The following RBFOX1 variants were observed in gnomAD, a reference collection of about 807,000 sequenced individuals.
The protein encoded by RBFOX1 is RNA binding protein fox-1 homolog 1.
In RBFOX1, 8 loss-of-function variants were observed where a neutral mutation model predicts 57.7. The ratio of observed to expected loss-of-function variants is 0.14; its 90% CI spans 0.08 to 0.25. The LOEUF (loss-of-function observed/expected upper bound fraction) is 0.25, where lower values mean the gene tolerates loss of function less well. RBFOX1 is among the 10% of genes least tolerant of loss of function. The pLI, the probability that RBFOX1 is intolerant of heterozygous loss-of-function variation, is 1.00. For missense variants in RBFOX1, 611 were observed against 548.5 expected, an observed-to-expected ratio of 1.11 and a Z score of -1.14; for synonymous variants, 326 against 222.4, an observed-to-expected ratio of 1.47 and a Z score of -4.15.
intron 3 of RBFOX1, among the ~76,000 whole-genome samples, chr16:5,619,079 G>T (rs1300932716): frequency 6.6e-6 from 1 of 152,228 alleles, no homozygotes; most frequent in Non-Finnish European, 1.5e-5. Flanking sequence ...AGTCACCGTA[G>T]TTTGTGCCTG....
chr16:7,447,430 C>CAAAAAAAAA (rs202234230), intron 4 of RBFOX1, among the ~76,000 whole-genome samples: 3 of 98,520 alleles, frequency 3.0e-5, no homozygotes, highest in African/African-American at 7.7e-5. Flanking sequence ...GAGTCTATCT[C>CAAAAAAAAA]AAAAAAAAAA....
chr16:7,482,892 G>C (rs537654834), intron 4 of RBFOX1, among the ~76,000 whole-genome samples: 4 of 152,072 alleles, frequency 2.6e-5, no homozygotes, highest in African/African-American at 9.7e-5. Flanking sequence ...AGACTGAGAG[G>C]GGGGCAGCTT....
intron 4 of RBFOX1, among the ~76,000 whole-genome samples, chr16:7,106,439 G>C (rs2063596128): frequency 6.6e-6 from 1 of 151,950 alleles, no homozygotes; most frequent in African/African-American, 2.4e-5. Context: ...AACAGAGAAA[G>C]AAAAAAACAC....
chr16:5,755,379 A>G (rs2053356348), intron 3 of RBFOX1, among the ~76,000 whole-genome samples: 1 of 152,188 alleles, frequency 6.6e-6, no homozygotes, highest in Non-Finnish European at 1.5e-5. Context: ...AGTGAGGGAC[A>G]GATTGGGTGA....
chr16:6,465,561 T>C (rs2095028119), intron 2 of RBFOX1, among the ~76,000 whole-genome samples: 1 of 152,056 alleles, frequency 6.6e-6, no homozygotes, highest in Admixed American at 6.6e-5. Flanking sequence ...TTAGTGTACA[T>C]TCAGATCAGA....
intron 4 of RBFOX1, among the ~76,000 whole-genome samples, chr16:7,266,165 C>T (rs1159625630): frequency 6.6e-6 from 1 of 151,786 alleles, no homozygotes; most frequent in Non-Finnish European, 1.5e-5. Flanking sequence ...TTAGTACAGA[C>T]GGGGTTTCAC....
At chr16:6,114,494 A>T (rs1205516886) in intron 1 of RBFOX1, among the ~76,000 whole-genome samples, 1 of 152,138 alleles carries the variant, frequency 6.6e-6, no homozygotes, top group East Asian at 1.9e-4. Flanking sequence ...TGCTGCAGTT[A>T]TATTTATAGT....
chr16:5,847,862 T>G lies in RBFOX1; in HGVS notation c.319-19441T>G, dbSNP rs77727154. Among the ~76,000 whole-genome samples the G allele has an allele frequency of 1.5e-3, 235 of 152,180 alleles. 4 individuals are homozygous for G. The East Asian group carries it at 0.043, about 28-fold the overall frequency. ...CTCTGTTCAGAATCAACACCCAGACTATGTTAGTCATTAGCATTGCCAACA... is the reference window on the plus strand; with the variant it reads ...CTCTGTTCAGAATCAACACCCAGACGATGTTAGTCATTAGCATTGCCAACA... On this transcript the variant is annotated intron_variant, in intron 3 of 19. Transcript: ENST00000641259.
At chr16:6,658,556 C>T (rs933584346) in intron 3 of RBFOX1, among the ~76,000 whole-genome samples, 1 of 152,128 alleles carries the variant, frequency 6.6e-6, no homozygotes, top group Non-Finnish European at 1.5e-5. Flanking sequence ...TCTTTATCTG[C>T]GCACAGTCTG....
intron 3 of RBFOX1, among the ~76,000 whole-genome samples, chr16:7,033,167 T>A (rs1399493550): frequency 3.9e-5 from 6 of 152,066 alleles, no homozygotes; most frequent in Non-Finnish European, 8.8e-5. Flanking sequence ...GACGAGGCGG[T>A]AAAGGTGTTG....
At chr16:6,939,221 T>C (rs990325262) in intron 3 of RBFOX1, among the ~76,000 whole-genome samples, 3 of 152,170 alleles carry the variant, frequency 2.0e-5, no homozygotes, top group African/African-American at 7.2e-5. Context: ...AAATTTGATA[T>C]ATAAAAACCA....
chr16:7,584,002 T>C (rs2093960617), intron 6 of RBFOX1, among the ~76,000 whole-genome samples: 1 of 152,192 alleles, frequency 6.6e-6, no homozygotes, highest in South Asian at 2.1e-4. Flanking sequence ...ATGACGTTAA[T>C]GGAAAGTTCC....
At chr16:7,192,267 GGA>G (rs1421301222) in intron 4 of RBFOX1, among the ~76,000 whole-genome samples, 2 of 152,178 alleles carry the variant, frequency 1.3e-5, no homozygotes, top group Non-Finnish European at 1.5e-5. Context: ...TTTTGTGCAA[GGA>G]GAGAGAGTTT....
chr16:5,647,300 C>G (rs1462155559), intron 3 of RBFOX1, among the ~76,000 whole-genome samples: 1 of 152,180 alleles, frequency 6.6e-6, no homozygotes, highest in Non-Finnish European at 1.5e-5. Context: ...GGATTTAGTT[C>G]TACATCTGCT....
intron 4 of RBFOX1, among the ~76,000 whole-genome samples, chr16:7,083,664 A>G (rs1247532097): frequency 6.6e-6 from 1 of 152,116 alleles, no homozygotes; most frequent in Non-Finnish European, 1.5e-5. Context: ...TTAAATCCAG[A>G]TTCTTATCCC....
At chr16:6,561,361 A>G (rs929705218) in intron 2 of RBFOX1, among the ~76,000 whole-genome samples, 2 of 152,218 alleles carry the variant, frequency 1.3e-5, no homozygotes, top group African/African-American at 4.8e-5. Context: ...GTCTGTAACC[A>G]TTCAGTAGAA....
intron 1 of RBFOX1, chr16:5,270,978 A>C: frequency 5.9e-6 from 2 of 337,550 alleles, no homozygotes; most frequent in Non-Finnish European, 5.5e-6. Flanking sequence ...AACAGTGGCA[A>C]ATAAAAAGCC....
chr16:7,457,874 C>G (rs1195308615), intron 4 of RBFOX1, among the ~76,000 whole-genome samples: 1 of 152,100 alleles, frequency 6.6e-6, no homozygotes, highest in Non-Finnish European at 1.5e-5. Flanking sequence ...CTTCATCACC[C>G]CCTCCCCAAT....
chr16:7,630,783 C>A (rs544555238), intron 11 of RBFOX1, 100 bp downstream of exon 11: 4 of 1,537,548 alleles, frequency 2.6e-6, no homozygotes, highest in East Asian at 4.8e-5. Flanking sequence ...CTGCCCCACC[C>A]TCTCTTGTGG....
Sources: allele counts gnomAD v4.1 joint callset (sites outside exome capture counted in the v4.1 genomes callset), GRCh38; gene constraint gnomAD v4.1.1; transcripts MANE v1.5; gene names NCBI Gene and HGNC (gene_info 2026-07-23, HGNC 2026-07-21).